The following SPRED1 variants were observed in gnomAD, a reference collection of about 807,000 sequenced individuals.
SPRED1 encodes sprouty related EVH1 domain containing 1.
A neutral mutation model predicts 52.3 loss-of-function variants in SPRED1; 18 were observed. The ratio of observed to expected loss-of-function variants is 0.34; its 90% confidence interval spans 0.24 to 0.51. SPRED1 has a LOEUF of 0.51. Among genes scored for constraint, SPRED1 ranks in the 20% least tolerant of loss-of-function variants. The pLI is 0.97. For missense variants in SPRED1, 485 were observed against 551.0 expected (o/e 0.88, Z 1.20); for synonymous variants, 155 against 179.7 (o/e 0.86, Z 1.10).
chr15:38,331,402 G>A (rs189607391), intron 4 of SPRED1, among the ~76,000 whole-genome samples: 106 of 151,800 alleles, frequency 7.0e-4, no homozygotes, highest in Middle Eastern at 3.4e-3. Flanking sequence ...TTATGTTCAT[G>A]TTTCCATAGT....
intron 1 of SPRED1, among the ~76,000 whole-genome samples, chr15:38,256,677 C>T (rs1275928414): frequency 7.2e-5 from 11 of 151,968 alleles, no homozygotes; most frequent in Admixed American, 5.9e-4. Context: ...ACTGTTTTTC[C>T]GTAAATAGAA....
chr15:38,341,969 T>C (rs1896038995), intron 5 of SPRED1, among the ~76,000 whole-genome samples: 1 of 151,838 alleles, frequency 6.6e-6, no homozygotes, highest in Non-Finnish European at 1.5e-5. Context: ...ATAGGTTTTT[T>C]TCTTTTTTCC....
chr15:38,341,310 G>A (rs920330100), intron 5 of SPRED1, among the ~76,000 whole-genome samples: 32 of 150,870 alleles, frequency 2.1e-4, no homozygotes, highest in Non-Finnish European at 4.3e-4. Context: ...ATTTATTTCC[G>A]CTTCTAACTT....
intron 2 of SPRED1, among the ~76,000 whole-genome samples, chr15:38,315,767 C>T (rs1409662130): frequency 6.6e-6 from 1 of 151,924 alleles, no homozygotes; most frequent in Non-Finnish European, 1.5e-5. Context: ...ACTCAAAAAT[C>T]CTCTTCATAA....
chr15:38,303,722 A>T (rs977199137), intron 2 of SPRED1, among the ~76,000 whole-genome samples: 1 of 152,124 alleles, frequency 6.6e-6, no homozygotes, highest in Non-Finnish European at 1.5e-5. Context: ...TGCTAAAGCT[A>T]TGCTTTTTAA....
Position 38,324,840 on chromosome 15 carries a change from CAT to C in SPRED1, c.423+33_423+34del, listed in dbSNP as rs1367448226. ...TAATGGCTTGGAAGGAATTTGTAAA[CAT>C]AAAGGATGTGGAAGAAATCACTAGC... On this transcript the variant is annotated intron_variant, in intron 4 of 6. Transcript: ENST00000299084. 15 of 1,580,480 alleles carry C rather than the reference CAT, an allele frequency of 9.5e-6. No homozygotes were observed. The African/African-American group carries it at 1.7e-4, about 18-fold the overall frequency.
intron 2 of SPRED1, among the ~76,000 whole-genome samples, chr15:38,305,875 T>A (rs1222860848): frequency 4.6e-5 from 7 of 152,204 alleles, no homozygotes; most frequent in Admixed American, 2.6e-4. Flanking sequence ...GTTATAAACT[T>A]AGGAATTATC....
At position 38,351,512 on chromosome 15, in the gene SPRED1, A is replaced by C; in HGVS notation, c.1183A>C (p.Thr395Pro). The change falls in exon 7 of 7, where the codon ACT (threonine) becomes CCT (proline). Residue 395 changes from threonine (T) to proline (P), a missense_variant. This residue lies in a region of SPRED1 where 205 missense variants were observed against 245.2 expected (regional missense o/e 0.84). Transcript: ENST00000299084. ...GDFSDPCSCD[T>P]SDDKFCLRWL... ...TTTTTCTGATCCCTGTTCGTGTGAC[A>C]CTAGCGACGACAAGTTCTGCTTGCG... 1 of 1,614,142 alleles carries C rather than the reference A, an allele frequency of 6.2e-7. No individual in the cohort carries two copies. Among genetic ancestry groups the C allele is most frequent in the Non-Finnish European group, 8.5e-7 (1 of 1,180,014 alleles).
chr15:38,308,126 C>T (rs1271669356), intron 2 of SPRED1, among the ~76,000 whole-genome samples: 1 of 152,152 alleles, frequency 6.6e-6, no homozygotes, highest in Non-Finnish European at 1.5e-5. Flanking sequence ...TCCACCTCCC[C>T]AGACTAGAAT....
chr15:38,263,334 T>TA (rs1456074523), intron 1 of SPRED1, among the ~76,000 whole-genome samples: 3 of 152,204 alleles, frequency 2.0e-5, no homozygotes. Context: ...CAAGGTGCTT[T>TA]AACTATAGGT....
chr15:38,264,600 G>A (rs1894268064), intron 1 of SPRED1, among the ~76,000 whole-genome samples: 1 of 152,154 alleles, frequency 6.6e-6, no homozygotes, highest in Non-Finnish European at 1.5e-5. Flanking sequence ...TGGATGTTTG[G>A]ATAGCTAGGG....
At chr15:38,340,804 A>G (rs539306350) in intron 5 of SPRED1, among the ~76,000 whole-genome samples, 1 of 152,300 alleles carries the variant, frequency 6.6e-6, no homozygotes, top group East Asian at 1.9e-4. Flanking sequence ...TGTTGGGATT[A>G]CAGGCATGAG....
intron 1 of SPRED1, among the ~76,000 whole-genome samples, chr15:38,266,006 A>T (rs1483803644): frequency 6.6e-6 from 1 of 152,230 alleles, no homozygotes; most frequent in Non-Finnish European, 1.5e-5. Flanking sequence ...TAATTTGGAC[A>T]GCTGATGGTC....
At chr15:38,262,154 G>C (rs2382127) in intron 1 of SPRED1, among the ~76,000 whole-genome samples, 31,365 of 152,162 alleles carry the variant, frequency 0.21, 3,395 homozygotes, top group Middle Eastern at 0.24. Flanking sequence ...TTTCAGGATA[G>C]ATTTGAACAG....
chr15:38,310,115 T>G (rs367547318), intron 2 of SPRED1, among the ~76,000 whole-genome samples: 91 of 23,184 alleles, frequency 3.9e-3, no homozygotes, highest in East Asian at 0.029. Flanking sequence ...AGACTATTCT[T>G]TGTGTGTGTG....
chr15:38,292,843 A>G (rs940388298), intron 1 of SPRED1, among the ~76,000 whole-genome samples: 1 of 152,154 alleles, frequency 6.6e-6, no homozygotes, highest in African/African-American at 2.4e-5. Context: ...GGTTTTTTAT[A>G]CAAGATCATC....
intron 2 of SPRED1, among the ~76,000 whole-genome samples, chr15:38,307,962 A>G (rs570120894): frequency 1.3e-5 from 2 of 152,256 alleles, no homozygotes; most frequent in African/African-American, 4.8e-5. Context: ...GAAGCTCTTC[A>G]TGCAGCTTTT....
chr15:38,269,062 C>G (rs1383649991), intron 1 of SPRED1, among the ~76,000 whole-genome samples: 1 of 151,968 alleles, frequency 6.6e-6, no homozygotes, highest in African/African-American at 2.4e-5. Flanking sequence ...GCCTCAGCCT[C>G]CTGAGTAGCT....
At chr15:38,303,052 C>A (rs1895179565) in intron 2 of SPRED1, among the ~76,000 whole-genome samples, 1 of 152,054 alleles carries the variant, frequency 6.6e-6, no homozygotes, top group African/African-American at 2.4e-5. Flanking sequence ...GGCGTGGTGG[C>A]ACGTGCCTGT....
Sources: gnomAD v4.1 joint callset for allele counts (sites outside exome capture counted in the v4.1 genomes callset) on GRCh38, gnomAD v4.1.1 for gene constraint, gnomAD v4.1.1 regional missense constraint, MANE v1.5 for transcripts, NCBI Gene and HGNC (gene_info 2026-07-23, HGNC 2026-07-21) for gene names.